Variants in NOS1 observed in about 807,000 individuals in gnomAD.
NOS1 encodes nitric oxide synthase 1.
A neutral mutation model predicts 164.5 loss-of-function variants in NOS1; 51 were observed. That is an observed-to-expected ratio of 0.31 (90% CI 0.25 to 0.39). The LOEUF (loss-of-function observed/expected upper bound fraction) is 0.39. Among genes scored for constraint, NOS1 ranks in the 10% least tolerant of loss-of-function variants. The pLI is 1.00. For missense variants in NOS1, 1,362 were observed against 1,885.6 expected, an observed-to-expected ratio of 0.72 and a Z score of 5.14; for synonymous variants, 719 against 745.8, an observed-to-expected ratio of 0.96 and a Z score of 0.59.
intron 26 of NOS1, among the ~76,000 whole-genome samples, chr12:117,222,458 T>C (rs569809602): frequency 6.6e-6 from 1 of 152,274 alleles, no homozygotes; most frequent in Admixed American, 6.5e-5. Flanking sequence ...TTCACCATGT[T>C]GGCCAGGCTG....
intron 28 of NOS1, among the ~76,000 whole-genome samples, chr12:117,215,726 C>T (rs1956597386): frequency 6.6e-6 from 1 of 152,132 alleles, no homozygotes; most frequent in Non-Finnish European, 1.5e-5. Context: ...AGCCACTGCA[C>T]CCGGCCCGTC....
chr12:117,284,960 G>A (rs987823924), intron 7 of NOS1, among the ~76,000 whole-genome samples: 1 of 150,854 alleles, frequency 6.6e-6, no homozygotes, highest in African/African-American at 2.4e-5. Context: ...TGAGGCAGGA[G>A]AATCGCTTGA....
At chr12:117,288,303 A>G in intron 4 of NOS1, 84 bp from the exon 5 acceptor site, 4 of 1,342,082 alleles carry the variant, frequency 3.0e-6, no homozygotes, top group Non-Finnish European at 3.1e-6. Context: ...TCTCGTACTC[A>G]TGGTTGAGTT....
chr12:117,331,868 G>A (rs1172640277), intron 1 of NOS1, among the ~76,000 whole-genome samples: 1 of 152,144 alleles, frequency 6.6e-6, no homozygotes, highest in Non-Finnish European at 1.5e-5. Flanking sequence ...TCTGTGTCTT[G>A]TATACATTTT....
chr12:117,314,885 G>A (rs945193124), intron 2 of NOS1, among the ~76,000 whole-genome samples: 3 of 152,200 alleles, frequency 2.0e-5, no homozygotes, highest in Admixed American at 6.5e-5. Context: ...GGGATTACAG[G>A]AGATCCTTCC....
Position 117,211,988 on chromosome 12 carries a change from T to C in NOS1, c.*3321A>G. 1 of 701,228 alleles carries C rather than the reference T, an allele frequency of 1.4e-6. No individual in the cohort carries two copies. Among genetic ancestry groups the C allele is most frequent in the Non-Finnish European group, 1.8e-6 (1 of 570,650 alleles). The allele number at this position is 701,228 out of a possible 1,614,324, so 43.4% of individuals were successfully genotyped here. On this transcript the variant is annotated 3_prime_UTR_variant, in exon 29 of 29. Coordinates refer to ENST00000317775, the MANE Select transcript of NOS1 (RefSeq NM_000620.5). ...GCCGAGGCAGAAGAATCACTTGAACTGGGGGAGGCAGAGGATGCAGTGAGC... is the reference window on the plus strand; with the variant it reads ...GCCGAGGCAGAAGAATCACTTGAACCGGGGGAGGCAGAGGATGCAGTGAGC...
rs569026724 is a variant in NOS1, at chr12:117,328,906, C to A, written c.725+1439G>T. 3.9e-5 allele frequency among the ~76,000 whole-genome samples: 6 copies of A among 152,348 alleles called. No individual in the cohort carries two copies. The East Asian group carries it at 1.2e-3, about 29-fold the overall frequency. ...TGGGAGAGCCTACTCCACACCTAGG[C>A]TATACGGTGTAGCCTAATGCCTCCA... On this transcript the variant is annotated intron_variant, in intron 2 of 28. Coordinates refer to ENST00000317775, the MANE Select transcript of NOS1 (RefSeq NM_000620.5).
At chr12:117,287,075 T>G (rs1872755281) in intron 5 of NOS1, among the ~76,000 whole-genome samples, 1 of 151,702 alleles carries the variant, frequency 6.6e-6, no homozygotes, top group Non-Finnish European at 1.5e-5. Context: ...ATTAGCTGGG[T>G]GTGGTGGTGC....
chr12:117,340,873 ATTTTTT>A (rs56322341), intron 1 of NOS1, among the ~76,000 whole-genome samples: 108 of 104,474 alleles, frequency 1.0e-3, no homozygotes, highest in Middle Eastern at 0.014. Context: ...ACACCTGGCT[ATTTTTT>A]TTTTTTTTTT....
At chr12:117,311,068 G>A (rs935215029) in intron 3 of NOS1, among the ~76,000 whole-genome samples, 1 of 152,194 alleles carries the variant, frequency 6.6e-6, no homozygotes. Context: ...GTTTCACCAT[G>A]TTGGTCAGGC....
chr12:117,301,985 C>G, intron 3 of NOS1: 1 of 456,678 alleles, frequency 2.2e-6, no homozygotes, highest in South Asian at 1.5e-5. Context: ...GGCTCCATGG[C>G]CTGGGTTCAA....
chr12:117,283,482 T>C (rs1270373460), intron 7 of NOS1, among the ~76,000 whole-genome samples: 1 of 152,178 alleles, frequency 6.6e-6, no homozygotes, highest in East Asian at 1.9e-4. Context: ...GACCCCTTAA[T>C]ACAGCAGTGA....
rs563605864 is a variant in NOS1, at chr12:117,274,094, A to G, written c.1665-1535T>C. Among the ~76,000 whole-genome samples, 6 of 152,348 alleles carry G rather than the reference A, an allele frequency of 3.9e-5. 1 individual carries two copies. The South Asian group carries it at 1.0e-3, about 26-fold the overall frequency. The stretch of plus-strand genomic sequence containing the variant: ...ACCAAGGGATTAATATCCAGAATAT[A>G]CAAGGAACTCACACATTTCAAAAGC... On this transcript the variant is annotated intron_variant, in intron 9 of 28. Coordinates refer to ENST00000317775, the MANE Select transcript of NOS1 (RefSeq NM_000620.5).
intron 3 of NOS1, among the ~76,000 whole-genome samples, chr12:117,308,571 T>C (rs1468048091): frequency 6.6e-6 from 1 of 151,240 alleles, no homozygotes. Context: ...AAAAACAGCG[T>C]ATAGGCGCAA....
intron 16 of NOS1, chr12:117,255,963 A>G: frequency 6.7e-7 from 1 of 1,491,094 alleles, no homozygotes; most frequent in East Asian, 2.7e-5. Context: ...GGCTGCAGCC[A>G]GACCGTGGAC....
At chr12:117,270,175 A>G (rs985214678) in intron 10 of NOS1, among the ~76,000 whole-genome samples, 13 of 152,274 alleles carry the variant, frequency 8.5e-5, no homozygotes, top group Non-Finnish European at 1.6e-4. Context: ...CATTAATTAA[A>G]GCCCTGCTTT....
intron 11 of NOS1, among the ~76,000 whole-genome samples, chr12:117,267,128 C>T (rs1048679153): frequency 6.6e-6 from 1 of 152,186 alleles, no homozygotes; most frequent in Non-Finnish European, 1.5e-5. Context: ...CTCTCACGTG[C>T]ATCTACGGGG....
At chr12:117,338,395 T>A (rs1875941394) in intron 1 of NOS1, among the ~76,000 whole-genome samples, 1 of 144,784 alleles carries the variant, frequency 6.9e-6, no homozygotes, top group Admixed American at 7.2e-5. Context: ...AACAAGACCC[T>A]GTTTCATAGG....
At chr12:117,268,884 A>AC (rs1872612206) in intron 10 of NOS1, among the ~76,000 whole-genome samples, 1 of 152,048 alleles carries the variant, frequency 6.6e-6, no homozygotes, top group African/African-American at 2.4e-5. Flanking sequence ...GGCGTGAGCC[A>AC]CCGCGCCCAG....
Sources: allele counts gnomAD v4.1 joint callset (sites outside exome capture counted in the v4.1 genomes callset), GRCh38; gene constraint gnomAD v4.1.1; transcripts MANE v1.5; gene names NCBI Gene and HGNC (gene_info 2026-07-23, HGNC 2026-07-21).